GMDS: variants seen among roughly 807,000 people sequenced by gnomAD.
The protein encoded by GMDS is GDP-mannose 4,6 dehydratase.
In GMDS, 20 loss-of-function variants were observed where a neutral mutation model predicts 49.9. The ratio of observed to expected loss-of-function variants is 0.40; its 90% CI spans 0.28 to 0.58. The LOEUF (loss-of-function observed/expected upper bound fraction) is 0.58. GMDS is among the 20% of genes least tolerant of loss of function. The probability of loss-of-function intolerance (pLI) is 0.42; values close to 1 mark genes in which losing one functional copy is unlikely to be tolerated. For missense variants in GMDS, 362 were observed against 481.4 expected, an observed-to-expected ratio of 0.75 and a Z score of 2.32; for synonymous variants, 177 against 178.6, an observed-to-expected ratio of 0.99 and a Z score of 0.07.
rs531289668 is a variant in GMDS at position 2,016,479 on chromosome 6, A to T, written c.346-55513T>A. ...CTCAAAAGCTACCACAACCAAAAGGAGACAGAATCAAATTCAGAACTATTA... is the reference window on the plus strand; with the variant it reads ...CTCAAAAGCTACCACAACCAAAAGGTGACAGAATCAAATTCAGAACTATTA... On this transcript the variant is annotated intron_variant, in intron 4 of 10. Transcript: ENST00000380815. Among the ~76,000 whole-genome samples, 3 of 152,326 alleles carry T rather than the reference A, an allele frequency of 2.0e-5. No homozygotes were observed. The South Asian group carries it at 6.2e-4, about 32-fold the overall frequency.
intron 1 of GMDS, among the ~76,000 whole-genome samples, chr6:2,214,471 T>C (rs1262117334): frequency 6.6e-6 from 1 of 152,182 alleles, no homozygotes; most frequent in African/African-American, 2.4e-5. Flanking sequence ...ACTATTTACA[T>C]AGCATTTTCA....
At chr6:2,087,672 C>T (rs971542270) in intron 4 of GMDS, among the ~76,000 whole-genome samples, 2 of 152,134 alleles carry the variant, frequency 1.3e-5, no homozygotes, top group African/African-American at 4.8e-5. Flanking sequence ...AGCACTTAGC[C>T]ACACGCAATT....
intron 4 of GMDS, among the ~76,000 whole-genome samples, chr6:1,972,005 C>T (rs1028842547): frequency 2.0e-5 from 3 of 152,034 alleles, no homozygotes; most frequent in African/African-American, 7.2e-5. Flanking sequence ...GAACAGCTGC[C>T]CCAGCAACAT....
At chr6:2,226,538 A>G (rs1780818781) in intron 1 of GMDS, among the ~76,000 whole-genome samples, 1 of 152,230 alleles carries the variant, frequency 6.6e-6, no homozygotes, top group Non-Finnish European at 1.5e-5. Flanking sequence ...AATAGCCCCA[A>G]CAACAGAGAT....
At chr6:1,746,757 A>G (rs1767515137) in intron 7 of GMDS, among the ~76,000 whole-genome samples, 1 of 152,076 alleles carries the variant, frequency 6.6e-6, no homozygotes, top group Non-Finnish European at 1.5e-5. Context: ...GCTGGAGTAC[A>G]GTGGCACAAT....
intron 1 of GMDS, chr6:2,176,007 A>G: frequency 6.5e-7 from 1 of 1,534,556 alleles, no homozygotes; most frequent in Non-Finnish European, 8.7e-7. Context: ...GGATCACACA[A>G]AAGTGCCTCA....
intron 9 of GMDS, among the ~76,000 whole-genome samples, chr6:1,639,073 C>T (rs568798745): frequency 2.3e-3 from 348 of 152,268 alleles, no homozygotes; most frequent in Non-Finnish European, 3.5e-3. Flanking sequence ...CCTGTGTCTG[C>T]GGCAGGCAAC....
At chr6:2,167,032 C>A (rs966596193) in intron 1 of GMDS, among the ~76,000 whole-genome samples, 1 of 152,214 alleles carries the variant, frequency 6.6e-6, no homozygotes, top group Non-Finnish European at 1.5e-5. Context: ...ACCTATGACA[C>A]CTTCAAGGCC....
At chr6:1,872,766 A>G (rs1758839859) in intron 7 of GMDS, among the ~76,000 whole-genome samples, 1 of 152,276 alleles carries the variant, frequency 6.6e-6, no homozygotes, top group Non-Finnish European at 1.5e-5. Context: ...CATTAAGGGG[A>G]AACCTTTTAA....
intron 8 of GMDS, among the ~76,000 whole-genome samples, 161 bp downstream of exon 8, chr6:1,742,307 T>C (rs568629001): frequency 2.0e-5 from 3 of 152,178 alleles, no homozygotes; most frequent in Non-Finnish European, 4.4e-5. Flanking sequence ...CAAGTAGGGC[T>C]GGATGCAGAG....
chr6:1,842,664 C>T (rs1757199709), intron 7 of GMDS, among the ~76,000 whole-genome samples: 1 of 152,022 alleles, frequency 6.6e-6, no homozygotes, highest in Non-Finnish European at 1.5e-5. Flanking sequence ...GGAGACAATA[C>T]ATTTTTTAAG....
chr6:1,646,334 C>T (rs766249865), intron 9 of GMDS, among the ~76,000 whole-genome samples: 29 of 152,170 alleles, frequency 1.9e-4, no homozygotes, highest in Admixed American at 1.2e-3. Flanking sequence ...GCTCATTCCA[C>T]CTAGGGCTTT....
At chr6:1,647,624 C>T (rs17842824) in intron 9 of GMDS, among the ~76,000 whole-genome samples, 3,896 of 152,258 alleles carry the variant, frequency 0.026, 150 homozygotes, top group African/African-American at 0.089. Flanking sequence ...CAGTAACTGC[C>T]ATGTAGTGTG....
At position 1,784,486 on chromosome 6, in the gene GMDS, C is replaced by T. The variant is rs182938845; in HGVS notation, c.772-41900G>A. On this transcript the variant is annotated intron_variant, in intron 7 of 10. Transcript: ENST00000380815. ...CGGTTTGCCTGATCCCAGGACTACC[C>T]GGGGCGGGAAGGAGAGCAGAGGCCA... Among the ~76,000 whole-genome samples the T allele has an allele frequency of 3.0e-3, 455 of 152,052 alleles. 3 individuals carry two copies. The highest frequency in any genetic ancestry group is 0.01 in the Admixed American group (156 of 15,256).
chr6:2,138,520 C>T (rs537208953), intron 1 of GMDS, among the ~76,000 whole-genome samples: 3 of 152,160 alleles, frequency 2.0e-5, no homozygotes, highest in Non-Finnish European at 4.4e-5. Flanking sequence ...GTTTAGATTT[C>T]TGTCCCTCCA....
chr6:1,971,574 T>G (rs954985156), intron 4 of GMDS, among the ~76,000 whole-genome samples: 5 of 152,106 alleles, frequency 3.3e-5, no homozygotes, highest in African/African-American at 1.2e-4. Context: ...GACTAAGGGC[T>G]CTCACAGGGA....
chr6:2,172,062 A>G (rs892650446), intron 1 of GMDS, among the ~76,000 whole-genome samples: 2 of 152,200 alleles, frequency 1.3e-5, no homozygotes, highest in African/African-American at 4.8e-5. Flanking sequence ...AACAAAAAGC[A>G]GACCTCCCAA....
At chr6:1,960,564 C>A (rs1763883865) in intron 5 of GMDS, among the ~76,000 whole-genome samples, 1 of 152,092 alleles carries the variant, frequency 6.6e-6, no homozygotes, top group Admixed American at 6.6e-5. Flanking sequence ...GTAATTTCAC[C>A]CCGAAGGCAA....
intron 9 of GMDS, among the ~76,000 whole-genome samples, chr6:1,703,505 G>A (rs998163295): frequency 2.0e-5 from 3 of 151,790 alleles, no homozygotes; most frequent in Admixed American, 6.6e-5. Flanking sequence ...TTTTTTATAC[G>A]GCTTTTTCTG....
Sources: allele counts gnomAD v4.1 joint callset (sites outside exome capture counted in the v4.1 genomes callset), GRCh38; gene constraint gnomAD v4.1.1; transcripts MANE v1.5; gene names NCBI Gene and HGNC (gene_info 2026-07-23, HGNC 2026-07-21).